The following HECW1 variants were observed in gnomAD, a reference collection of about 807,000 sequenced individuals.
HECW1 encodes the protein HECT, C2 and WW domain containing E3 ubiquitin protein ligase 1.
HECW1 carries 61 observed loss-of-function variants against 182.3 expected under a neutral mutation model. That is an observed-to-expected ratio of 0.33 (90% CI 0.27 to 0.41). The LOEUF (loss-of-function observed/expected upper bound fraction) is 0.41. HECW1 is among the 10% of genes least tolerant of loss of function. HECW1 has a pLI of 1.00. For missense variants in HECW1, 1,739 were observed against 2,108.9 expected (o/e 0.82, Z 3.44); for synonymous variants, 859 against 832.6 (o/e 1.03, Z -0.55).
chr7:43,483,455 T>C (rs2078508984), intron 17 of HECW1, among the ~76,000 whole-genome samples: 1 of 152,056 alleles, frequency 6.6e-6, no homozygotes, highest in South Asian at 2.1e-4. Context: ...ACCATTATTT[T>C]ACAGTCCAGT....
chr7:43,295,920 A>C (rs1805989033), intron 3 of HECW1, among the ~76,000 whole-genome samples: 1 of 152,224 alleles, frequency 6.6e-6, no homozygotes, highest in South Asian at 2.1e-4. Context: ...AAAAACTCAA[A>C]TCTATAGACA....
chr7:43,252,938 G>A (rs567438522), intron 3 of HECW1, among the ~76,000 whole-genome samples: 10 of 152,294 alleles, frequency 6.6e-5, no homozygotes, highest in South Asian at 4.1e-4. Context: ...GAGCTGACAC[G>A]GGAGTCCAGT....
chr7:43,496,918 A>G (rs2079142332), intron 19 of HECW1, among the ~76,000 whole-genome samples: 1 of 152,208 alleles, frequency 6.6e-6, no homozygotes, highest in South Asian at 2.1e-4. Flanking sequence ...GGATTGTCCC[A>G]GGGCTATGTA....
chr7:43,374,799 A>AAAAAAAAAAAAAAAAAAAAC lies in HECW1; in HGVS notation c.555+13820_555+13821insAAAAAAAAAAAAAAAAAACA, dbSNP rs1303274874. On this transcript the variant is annotated intron_variant, in intron 6 of 29. Transcript: ENST00000395891. ...AAAAAAAAAAAAAAAAAAAAAAAAA[A>AAAAAAAAAAAAAAAAAAAAC]ATAGAGAAATATAATAACCAGTGAA... is the stretch of plus-strand genomic sequence containing the variant. Among the ~76,000 whole-genome samples, 23 of 54,064 alleles carry AAAAAAAAAAAAAAAAAAAAC rather than the reference A, an allele frequency of 4.3e-4. 6 individuals are homozygous for AAAAAAAAAAAAAAAAAAAAC. Among genetic ancestry groups the AAAAAAAAAAAAAAAAAAAAC allele is most frequent in the Non-Finnish European group, 5.9e-4 (20 of 33,844 alleles). The allele number at this position is 54,064 out of a possible 152,430, so 35.5% of individuals were successfully genotyped here. A position where few individuals can be genotyped will look rare whatever the true frequency, so the allele number is the denominator to read the frequency against.
intron 2 of HECW1, among the ~76,000 whole-genome samples, chr7:43,228,091 G>A (rs563879677): frequency 7.2e-4 from 109 of 152,298 alleles, no homozygotes; most frequent in African/African-American, 2.5e-3. Context: ...AGAAAGAATA[G>A]TTTTAACACA....
intron 2 of HECW1, among the ~76,000 whole-genome samples, chr7:43,157,624 A>G (rs1423381983): frequency 1.3e-5 from 2 of 152,174 alleles, no homozygotes; most frequent in African/African-American, 4.8e-5. Flanking sequence ...GCAGTGGTGC[A>G]GTCTCAGCTC....
intron 6 of HECW1, among the ~76,000 whole-genome samples, chr7:43,383,989 A>C (rs1315965457): frequency 6.6e-6 from 1 of 152,216 alleles, no homozygotes; most frequent in African/African-American, 2.4e-5. Flanking sequence ...CATCCTTGTC[A>C]TTACATTGAG....
chr7:43,307,681 G>C (rs1422102754), intron 3 of HECW1, among the ~76,000 whole-genome samples: 1 of 151,974 alleles, frequency 6.6e-6, no homozygotes, highest in African/African-American at 2.4e-5. Context: ...AAACACTTGT[G>C]AATGTCTGGG....
intron 5 of HECW1, among the ~76,000 whole-genome samples, chr7:43,343,779 C>A (rs1371650583): frequency 6.6e-6 from 1 of 151,804 alleles, no homozygotes; most frequent in Non-Finnish European, 1.5e-5. Flanking sequence ...TGGGTATATA[C>A]CCAGTAATGG....
intron 3 of HECW1, among the ~76,000 whole-genome samples, chr7:43,250,592 A>G (rs1584179672): frequency 6.6e-6 from 1 of 152,126 alleles, no homozygotes; most frequent in African/African-American, 2.4e-5. Flanking sequence ...AGCGCCAGGA[A>G]CGTCCTGTGT....
At chr7:43,127,759 C>G (rs6964440) in intron 2 of HECW1, among the ~76,000 whole-genome samples, 6,774 of 152,216 alleles carry the variant, frequency 0.045, 499 homozygotes, top group African/African-American at 0.15. Context: ...TAAGGAAAGA[C>G]ACTATCTTCA....
chr7:43,288,752 A>G (rs1040339103), intron 3 of HECW1, among the ~76,000 whole-genome samples: 1 of 152,138 alleles, frequency 6.6e-6, no homozygotes, highest in African/African-American at 2.4e-5. Flanking sequence ...TGTCAGAGAC[A>G]TTTTTCTAAA....
At chr7:43,499,704 G>A (rs2079263950) in intron 19 of HECW1, among the ~76,000 whole-genome samples, 1 of 151,840 alleles carries the variant, frequency 6.6e-6, no homozygotes. Context: ...TTCAAAAAAG[G>A]CAAAAAATAT....
At chr7:43,525,386 G>A (rs1032024061) in intron 24 of HECW1, among the ~76,000 whole-genome samples, 7 of 152,104 alleles carry the variant, frequency 4.6e-5, no homozygotes, top group African/African-American at 1.4e-4. Flanking sequence ...TGTTGGGAGA[G>A]GTTTAAAAAG....
At chr7:43,179,773 A>C (rs1480946930) in intron 2 of HECW1, among the ~76,000 whole-genome samples, 1 of 152,214 alleles carries the variant, frequency 6.6e-6, no homozygotes, top group African/African-American at 2.4e-5. Context: ...AATTTTCCCA[A>C]TAGTAGCCCA....
At chr7:43,185,228 C>T (rs1269330399) in intron 2 of HECW1, among the ~76,000 whole-genome samples, 1 of 152,108 alleles carries the variant, frequency 6.6e-6, no homozygotes, top group Non-Finnish European at 1.5e-5. Flanking sequence ...CTAGAGAGGG[C>T]ATGGAAAGTC....
chr7:43,136,889 A>C (rs1787599284), intron 2 of HECW1, among the ~76,000 whole-genome samples: 1 of 152,054 alleles, frequency 6.6e-6, no homozygotes, highest in Non-Finnish European at 1.5e-5. Flanking sequence ...GACTGATCCC[A>C]CTGTTTTCAA....
intron 2 of HECW1, among the ~76,000 whole-genome samples, chr7:43,185,935 G>T (rs1282951988): frequency 6.6e-6 from 1 of 152,184 alleles, no homozygotes; most frequent in Admixed American, 6.5e-5. Flanking sequence ...TCACAAGGCA[G>T]TGTCGGCTGG....
intron 5 of HECW1, among the ~76,000 whole-genome samples, chr7:43,350,289 C>T (rs1037325818): frequency 6.6e-6 from 1 of 152,154 alleles, no homozygotes; most frequent in South Asian, 2.1e-4. Context: ...TCTCACAGAC[C>T]TTAAGATTCT....
Sources: gnomAD v4.1 joint callset for allele counts (sites outside exome capture counted in the v4.1 genomes callset) on GRCh38, gnomAD v4.1.1 for gene constraint, MANE v1.5 for transcripts, NCBI Gene and HGNC (gene_info 2026-07-23, HGNC 2026-07-21) for gene names.